FAAH: variants seen among roughly 807,000 people sequenced by gnomAD.
FAAH encodes fatty-acid amide hydrolase 1.
A neutral mutation model predicts 69.7 loss-of-function variants in FAAH; 63 were observed. That is an observed-to-expected ratio of 0.90 (90% CI 0.74 to 1.12). The LOEUF is 1.12. Among genes scored for constraint, FAAH ranks in the 50% most tolerant of loss-of-function variants. The pLI is 0.00. For synonymous variants in FAAH, 305 were observed against 324.2 expected, an observed-to-expected ratio of 0.94 and a Z score of 0.64; for missense variants, 680 against 755.0, an observed-to-expected ratio of 0.90 and a Z score of 1.16.
chr1:46,410,314 A>G lies in FAAH; in HGVS notation c.1176-84A>G. The G allele has an allele frequency of 9.7e-7, 1 of 1,029,194 alleles. No homozygotes were observed. The highest frequency in any genetic ancestry group is 1.5e-6 in the Non-Finnish European group (1 of 646,888). 63.8% of individuals were successfully genotyped at this position (1,029,194 alleles called of 1,614,324 possible). A position where few individuals can be genotyped will look rare whatever the true frequency, so the allele number is the denominator to read the frequency against. On this transcript the variant is annotated intron_variant, in intron 9 of 14. Transcript: ENST00000243167. The surrounding 1 kb of genome is among the most constrained non-coding windows in gnomAD (Gnocchi z 4.9). ...GGAGGTGGACAGGATCCCTGCATAG[A>G]GAATGGGATTGCTGTGGGCCGGGCG...
intron 7 of FAAH, among the ~76,000 whole-genome samples, chr1:46,407,933 T>C (rs1664830241): frequency 6.6e-6 from 1 of 152,076 alleles, no homozygotes; most frequent in Non-Finnish European, 1.5e-5. Flanking sequence ...TTGGTGTTTC[T>C]TGGGAGTGGG....
chr1:46,405,940 A>C lies in FAAH; in HGVS notation c.786-98A>C. 1.9e-6 allele frequency: 3 copies of C among 1,612,706 alleles called. No individual in the cohort carries two copies. The highest frequency in any genetic ancestry group is 2.5e-6 in the Non-Finnish European group (3 of 1,179,860). On this transcript the variant is annotated intron_variant, in intron 5 of 14. Coordinates refer to ENST00000243167, the MANE Select transcript of FAAH (RefSeq NM_001441.3). The surrounding 1 kb of genome is among the most constrained non-coding windows in gnomAD (Gnocchi z 4.1). ...GTACCACTGGCCGGGCGTGGGTCCTAGTTTCCAAAGCGGTGAGTGTTCAGA... is the reference window on the plus strand; with the variant it reads ...GTACCACTGGCCGGGCGTGGGTCCTCGTTTCCAAAGCGGTGAGTGTTCAGA...
At chr1:46,394,912 C>G (rs1225505260) in intron 1 of FAAH, among the ~76,000 whole-genome samples, 3 of 151,958 alleles carry the variant, frequency 2.0e-5, no homozygotes, top group Non-Finnish European at 2.9e-5. Flanking sequence ...CCAAGGGGAT[C>G]TGGAGAGCTT....
intron 1 of FAAH, 93 bp from the exon 2 acceptor site, chr1:46,401,998 T>C (rs1208250566): frequency 6.6e-6 from 7 of 1,058,972 alleles, no homozygotes; most frequent in Admixed American, 4.0e-5. Flanking sequence ...GGCTGGGCCA[T>C]GTCAGAGCTG....
In FAAH at chr1:46,405,339, T is replaced by C; in HGVS notation, c.445-33T>C. On this transcript the variant is annotated intron_variant, in intron 3 of 14. Coordinates refer to ENST00000243167, the MANE Select transcript of FAAH (RefSeq NM_001441.3). The surrounding 1 kb of genome is among the most constrained non-coding windows in gnomAD (Gnocchi z 4.1). ...CCCTTGGCTGCCCACGGGCCCTGAC[T>C]CACTCCCTTCTGGTGCCCATCCCTC... 6.2e-7 allele frequency: 1 copy of C among 1,606,958 alleles called. No homozygotes were observed. Among genetic ancestry groups the C allele is most frequent in the South Asian group, 1.1e-5 (1 of 91,058 alleles).
In FAAH at chr1:46,405,358, A is replaced by G; in HGVS notation, c.445-14A>G. On this transcript the variant is annotated splice_polypyrimidine_tract_variant and intron_variant, in intron 3 of 14. Coordinates refer to ENST00000243167, the MANE Select transcript of FAAH (RefSeq NM_001441.3). This position sits in a 1 kb window ranked among gnomAD's most constrained non-coding sequence, Gnocchi z 4.1. ...CCTGACTCACTCCCTTCTGGTGCCCATCCCTCCTCCCAGGGCCAGGACTCC... is the reference window on the plus strand; with the variant it reads ...CCTGACTCACTCCCTTCTGGTGCCCGTCCCTCCTCCCAGGGCCAGGACTCC... 2 of 1,608,678 alleles carry G rather than the reference A, an allele frequency of 1.2e-6. No individual in the cohort carries two copies. The highest frequency in any genetic ancestry group is 1.3e-5 in the African/African-American group (1 of 75,028).
chr1:46,395,500 G>A (rs1290853868), intron 1 of FAAH, among the ~76,000 whole-genome samples: 2 of 152,214 alleles, frequency 1.3e-5, no homozygotes, highest in Non-Finnish European at 2.9e-5. Context: ...CCTGGCTGAG[G>A]GTTTGGAAGA....
chr1:46,405,133 G>A lies in FAAH; in HGVS notation c.429G>A (p.Glu143=). Reference sequence around the variant, plus strand: ...ATGGCGTCCCTGTGAGCCTCAAGGAGTGCTTCACCTACAAGGTATGCTCTG... The same window carrying A: ...ATGGCGTCCCTGTGAGCCTCAAGGAATGCTTCACCTACAAGGTATGCTCTG... ...LLYGVPVSLK[E]CFTYKGQDST... Residue 143 remains glutamate, a synonymous_variant, in exon 3 of 15, where the codon GAG becomes GAA. Transcript: ENST00000243167. The surrounding 1 kb of genome is among the most constrained non-coding windows in gnomAD (Gnocchi z 4.1). 2 of 1,613,798 alleles carry A rather than the reference G, an allele frequency of 1.2e-6. No homozygotes were observed. The highest frequency in any genetic ancestry group is 1.7e-6 in the Non-Finnish European group (2 of 1,180,036).
intron 7 of FAAH, among the ~76,000 whole-genome samples, chr1:46,406,732 G>A (rs1213666713): frequency 6.6e-6 from 1 of 151,590 alleles, no homozygotes; most frequent in Non-Finnish European, 1.5e-5. Context: ...CTCCCGAGTA[G>A]CTGGGACTAC....
intron 1 of FAAH, among the ~76,000 whole-genome samples, chr1:46,398,391 C>T (rs1184497665): frequency 6.6e-6 from 1 of 152,174 alleles, no homozygotes; most frequent in African/African-American, 2.4e-5. Flanking sequence ...TCTGGGCAAC[C>T]TTTCTTCTGG....
At position 46,412,129 on chromosome 1, in the gene FAAH, TG is replaced by T; in HGVS notation, c.1357-13del. 6.4e-7 allele frequency: 1 copy of T among 1,550,942 alleles called. No homozygotes were observed. Among genetic ancestry groups the T allele is most frequent in the Non-Finnish European group, 8.7e-7 (1 of 1,145,824 alleles). ...GTCTGAGTGCTTTCACCTGGTGTGT[TG>T]TGTCCTCCGCAGGTGTACCGCAAAA... On this transcript the variant is annotated splice_polypyrimidine_tract_variant and intron_variant, in intron 12 of 14. Coordinates refer to ENST00000243167, the MANE Select transcript of FAAH (RefSeq NM_001441.3).
At position 46,405,639 on chromosome 1, in the gene FAAH, C is replaced by T; in HGVS notation, c.630C>T (p.Ser210=). 2 of 1,613,540 alleles carry T rather than the reference C, an allele frequency of 1.2e-6. No individual in the cohort carries two copies. The highest frequency in any genetic ancestry group is 2.7e-5 in the African/African-American group (2 of 75,054). ...GCCAGACCGTGAACCCATGGAAGTCCTCCAAAAGCCCAGGGGGCTCCTCAG... is the reference window on the plus strand; with the variant it reads ...GCCAGACCGTGAACCCATGGAAGTCTTCCAAAAGCCCAGGGGGCTCCTCAG... ...LFGQTVNPWK[S]SKSPGGSSGG... The change falls in exon 5 of 15, where the codon TCC becomes TCT. Residue 210 remains serine, a synonymous_variant. Transcript: ENST00000243167. The surrounding 1 kb of genome is among the most constrained non-coding windows in gnomAD (Gnocchi z 4.1).
At chr1:46,406,807 C>T (rs1664807850) in intron 7 of FAAH, among the ~76,000 whole-genome samples, 3 of 151,786 alleles carry the variant, frequency 2.0e-5, no homozygotes, top group South Asian at 4.2e-4. Context: ...GGGGTTTCAC[C>T]GTGTTATCCA....
At chr1:46,402,003 G>A in intron 1 of FAAH, 88 bp from the exon 2 acceptor site, 1 of 1,119,736 alleles carries the variant, frequency 8.9e-7, no homozygotes, top group Non-Finnish European at 1.3e-6. Context: ...GGCCATGTCA[G>A]AGCTGCTGGG....
intron 12 of FAAH, 100 bp from the exon 13 acceptor site, chr1:46,412,043 G>A (rs969280402): frequency 9.8e-7 from 1 of 1,022,634 alleles, no homozygotes; most frequent in Admixed American, 2.0e-5. Context: ...CCAGGGGCAG[G>A]TGCTGGGGCC....
chr1:46,397,063 C>T (rs1320184354), intron 1 of FAAH, among the ~76,000 whole-genome samples: 1 of 152,254 alleles, frequency 6.6e-6, no homozygotes, highest in Non-Finnish European at 1.5e-5. Flanking sequence ...ATCTCCCCTA[C>T]ACAAGCACAG....
rs762519394 is a variant in FAAH at position 46,410,532 on chromosome 1, T to TG, written c.1275+42dup. 3.2e-5 allele frequency: 51 copies of TG among 1,583,198 alleles called. No homozygotes were observed. Among genetic ancestry groups the TG allele is most frequent in the Middle Eastern group, 3.3e-4 (2 of 6,024 alleles). On this transcript the variant is annotated intron_variant, in intron 10 of 14. Coordinates refer to ENST00000243167, the MANE Select transcript of FAAH (RefSeq NM_001441.3). This position sits in a 1 kb window ranked among gnomAD's most constrained non-coding sequence, Gnocchi z 4.9. ...CAAGGAGTGGAGGGGCTAGGATGGCTGGGGGGGAACCTAGGGCCTCCTATC... is the reference window on the plus strand; with the variant it reads ...CAAGGAGTGGAGGGGCTAGGATGGCTGGGGGGGGAACCTAGGGCCTCCTATC...
intron 1 of FAAH, among the ~76,000 whole-genome samples, chr1:46,397,907 A>G (rs993094962): frequency 6.8e-6 from 1 of 146,010 alleles, no homozygotes; most frequent in South Asian, 2.1e-4. Context: ...CGGTTTCGTC[A>G]TGTTGGCCAG....
chr1:46,406,131 C>T, intron 6 of FAAH, 53 bp downstream of exon 6: 1 of 1,613,944 alleles, frequency 6.2e-7, no homozygotes, highest in Non-Finnish European at 8.5e-7. Flanking sequence ...TCGGCCTGAC[C>T]CGCTTCCGCC....
Sources: gnomAD v4.1 joint callset for allele counts (sites outside exome capture counted in the v4.1 genomes callset) on GRCh38, gnomAD v4.1.1 for gene constraint, Gnocchi (gnomAD v3.1) non-coding constraint, MANE v1.5 for transcripts, NCBI Gene and HGNC (gene_info 2026-07-23, HGNC 2026-07-21) for gene names.